The following CSRP3 variants were observed in gnomAD, a reference collection of about 807,000 sequenced individuals.
CSRP3 encodes cysteine and glycine rich protein 3.
Under a neutral mutation model 24.3 loss-of-function variants are expected in CSRP3, and 24 were observed. The ratio of observed to expected loss-of-function variants is 0.99; its 90% CI spans 0.71 to 1.39. The LOEUF is 1.39. Ranked by LOEUF, CSRP3 falls within the 40% of genes most tolerant of loss-of-function variation. The probability of loss-of-function intolerance (pLI) is 0.00; values close to 1 mark genes in which losing one functional copy is unlikely to be tolerated. For synonymous variants in CSRP3, 105 were observed against 94.0 expected (o/e 1.12, Z -0.68); for missense variants, 240 against 249.0 (o/e 0.96, Z 0.24).
rs1850526624 is a variant in CSRP3 at position 19,186,353 on chromosome 11, T to A, written c.282-5A>T. 4 of 1,614,094 alleles carry A rather than the reference T, an allele frequency of 2.5e-6. No individual in the cohort carries two copies. The highest frequency in any genetic ancestry group is 2.2e-5 in the South Asian group (2 of 91,084). On this transcript the variant is annotated splice_polypyrimidine_tract_variant and splice_region_variant and intron_variant, in intron 3 of 5. Transcript: ENST00000265968. ...GAGCGTGCCGGCTTTGGGGACCTGT[T>A]GGAAATAGACGAATGAATGAAACGT...
At chr11:19,194,147 T>C (rs1850659442) in intron 1 of CSRP3, among the ~76,000 whole-genome samples, 1 of 152,178 alleles carries the variant, frequency 6.6e-6, no homozygotes, top group African/African-American at 2.4e-5. Flanking sequence ...CTGGTCCGGA[T>C]TGTATCTCAC....
intron 5 of CSRP3, among the ~76,000 whole-genome samples, chr11:19,183,019 A>C (rs1045550277): frequency 1.3e-5 from 2 of 152,116 alleles, no homozygotes; most frequent in African/African-American, 4.8e-5. Flanking sequence ...TTAGCTGGGC[A>C]TGGTGGCATG....
chr11:19,183,167 A>AATAATG (rs1336778008), intron 5 of CSRP3, among the ~76,000 whole-genome samples: 4 of 2,724 alleles, frequency 1.5e-3, no homozygotes, highest in Middle Eastern at 0.33. Flanking sequence ...CAAGAATAAA[A>AATAATG]ATAATAAAAA....
chr11:19,201,239 C>G (rs768273159), intron 1 of CSRP3, among the ~76,000 whole-genome samples: 8 of 152,340 alleles, frequency 5.3e-5, no homozygotes, highest in Admixed American at 2.0e-4. Context: ...TAATATATTT[C>G]AACATAGCAA....
chr11:19,187,383 G>T (rs563207231), intron 3 of CSRP3, among the ~76,000 whole-genome samples: 1 of 152,322 alleles, frequency 6.6e-6, no homozygotes, highest in Non-Finnish European at 1.5e-5. Context: ...ACACTTCCTT[G>T]GTTGGGCTGG....
chr11:19,192,593 T>C, intron 1 of CSRP3, 117 bp from the exon 2 acceptor site: 1 of 706,032 alleles, frequency 1.4e-6, no homozygotes, highest in Admixed American at 2.0e-5. Flanking sequence ...AGTGTTTCAT[T>C]TATTCATTCA....
rs397516853 is a variant in CSRP3 at position 19,188,265 on chromosome 11, G to T, written c.152C>A (p.Ala51Asp). ...RKALDSTTVA[A>D]HESEIYCKVC... ...CTTGCAGTAGATCTCCGACTCATGA[G>T]CCGCGACTGTCGTGCTGTCAAGAGC... is the stretch of plus-strand genomic sequence containing the variant. The change falls in exon 3 of 6, where the codon GCT becomes GAT. Residue 51 changes from alanine (A) to aspartate (D), a missense_variant. Ala to Asp is a moderately radical substitution (Grantham distance 126). Transcript: ENST00000265968. The T allele has an allele frequency of 1.6e-5, 26 of 1,612,748 alleles. 1 individual carries two copies. Among genetic ancestry groups the T allele is most frequent in the Non-Finnish European group, 2.2e-5 (26 of 1,180,018 alleles).
intron 1 of CSRP3, among the ~76,000 whole-genome samples, chr11:19,195,343 A>T (rs1282760217): frequency 6.6e-6 from 1 of 152,108 alleles, no homozygotes; most frequent in Non-Finnish European, 1.5e-5. Context: ...AGGTGTATTT[A>T]AAAGTAAGCA....
At chr11:19,193,909 C>A (rs539538005) in intron 1 of CSRP3, among the ~76,000 whole-genome samples, 8 of 152,320 alleles carry the variant, frequency 5.3e-5, no homozygotes, top group African/African-American at 1.7e-4. Context: ...TTCCTCAAAG[C>A]AGAACTAAAA....
Position 19,186,360 on chromosome 11 carries a change from A to G in CSRP3, c.282-12T>C, listed in dbSNP as rs1565050838. 1 of 1,614,226 alleles carries G rather than the reference A, an allele frequency of 6.2e-7. No homozygotes were observed. ...CCGGCTTTGGGGACCTGTTGGAAAT[A>G]GACGAATGAATGAAACGTAGATTTC... On this transcript the variant is annotated splice_polypyrimidine_tract_variant and intron_variant, in intron 3 of 5. Coordinates refer to ENST00000265968, the MANE Select transcript of CSRP3 (RefSeq NM_003476.5).
chr11:19,184,825 G>A (rs767982883), intron 5 of CSRP3, 127 bp downstream of exon 5: 37 of 774,956 alleles, frequency 4.8e-5, no homozygotes, highest in Non-Finnish European at 6.4e-5. Context: ...AGAACCCAAC[G>A]CTGCCCAGGC....
At chr11:19,182,849 C>G in intron 5 of CSRP3, 103 bp from the exon 6 acceptor site, 1 of 867,836 alleles carries the variant, frequency 1.2e-6, no homozygotes, top group Non-Finnish European at 2.0e-6. Flanking sequence ...TTAGAGACAT[C>G]CTTTTGATAG....
rs1299925109 is a variant in CSRP3 at position 19,188,663 on chromosome 11, C to T, written c.113-359G>A. On this transcript the variant is annotated intron_variant, in intron 2 of 5. Transcript: ENST00000265968. ...GTGTGTGTGTGTGTTTGTGGGCGCG[C>T]GCGTTGGCAGGGGGTGGGTTAAGGC... Among the ~76,000 whole-genome samples the T allele has an allele frequency of 4.8e-5, 7 of 144,948 alleles. No homozygotes were observed. In the East Asian group the frequency reaches 5.9e-4, roughly 12 times the overall value.
At position 19,186,348 on chromosome 11, in the gene CSRP3, C is replaced by A. The variant is rs550097061; in HGVS notation, c.282G>T (p.Gln94His). ...TAACTGAGCGTGCCGGCTTTGGGGACCTGTTGGAAATAGACGAATGAATGA... is the reference window on the plus strand; with the variant it reads ...TAACTGAGCGTGCCGGCTTTGGGGAACTGTTGGAAATAGACGAATGAATGA... ...TGEHLGLQFQQSPKPARSVTT... is the reference protein window; with the variant it reads ...TGEHLGLQFQHSPKPARSVTT... Residue 94 changes from glutamine (Q) to histidine (H), a missense_variant and splice_region_variant, in exon 4 of 6, where the codon CAG becomes CAT. Transcript: ENST00000265968. 22 of 1,614,118 alleles carry A rather than the reference C, an allele frequency of 1.4e-5. No individual in the cohort carries two copies. The highest frequency in any genetic ancestry group is 1.9e-5 in the Non-Finnish European group (22 of 1,180,014).
intron 4 of CSRP3, among the ~76,000 whole-genome samples, chr11:19,185,695 CCTTTGGTGAGTACCCAGG>C (rs1343220124): frequency 3.3e-5 from 5 of 152,214 alleles, no homozygotes; most frequent in Non-Finnish European, 7.3e-5. Context: ...AGGTCTGACT[CCTTTGGTGAGTACCCAGG>C]CTTTGGGCCT....
chr11:19,182,395 A>G lies in CSRP3; in HGVS notation c.*275T>C. 1 of 487,356 alleles carries G rather than the reference A, an allele frequency of 2.1e-6. No homozygotes were observed. The highest frequency in any genetic ancestry group is 3.7e-6 in the Non-Finnish European group (1 of 270,332). The allele number at this position is 487,356 out of a possible 1,614,324, so 30.2% of individuals were successfully genotyped here. A position where few individuals can be genotyped will look rare whatever the true frequency, so the allele number is the denominator to read the frequency against. Reference sequence around the variant, plus strand: ...TGAAAATTTCTATCTCAAAGAAAAGATCTAGAGCCATACAAGATAGCACTA... The same window carrying G: ...TGAAAATTTCTATCTCAAAGAAAAGGTCTAGAGCCATACAAGATAGCACTA... On this transcript the variant is annotated 3_prime_UTR_variant, in exon 6 of 6. Transcript: ENST00000265968.
chr11:19,184,423 A>G (rs1850490187), intron 5 of CSRP3, among the ~76,000 whole-genome samples: 1 of 152,192 alleles, frequency 6.6e-6, no homozygotes, highest in Non-Finnish European at 1.5e-5. Flanking sequence ...GGAAAACCAG[A>G]TCTGTCCCTA....
chr11:19,182,567 A>G lies in CSRP3; in HGVS notation c.*103T>C. The G allele has an allele frequency of 1.0e-6, 1 of 963,992 alleles. No homozygotes were observed. Among genetic ancestry groups the G allele is most frequent in the East Asian group, 2.4e-5 (1 of 42,004 alleles). The allele number at this position is 963,992 out of a possible 1,614,324, so 59.7% of individuals were successfully genotyped here. On this transcript the variant is annotated 3_prime_UTR_variant, in exon 6 of 6. Coordinates refer to ENST00000265968, the MANE Select transcript of CSRP3 (RefSeq NM_003476.5). ...ACTTCTGAGGAGAAACACATAATGT[A>G]CGACTACAAAGGAGAGGCTATTTGG...
intron 4 of CSRP3, 99 bp downstream of exon 4, chr11:19,186,117 G>C: frequency 6.7e-7 from 1 of 1,491,908 alleles, no homozygotes; most frequent in Non-Finnish European, 9.3e-7. Context: ...GAGCTAGAGA[G>C]AATGACAGCT....
Sources: gnomAD v4.1 joint callset for allele counts (sites outside exome capture counted in the v4.1 genomes callset) on GRCh38, gnomAD v4.1.1 for gene constraint, MANE v1.5 for transcripts, NCBI Gene and HGNC (gene_info 2026-07-23, HGNC 2026-07-21) for gene names.